Variants in WDR11 observed in about 807,000 individuals in gnomAD.
WDR11 encodes the protein WD repeat-containing protein 11.
WDR11 carries 83 observed loss-of-function variants against 151.2 expected under a neutral mutation model. That is an observed-to-expected ratio of 0.55 (90% CI 0.46 to 0.66). The LOEUF (loss-of-function observed/expected upper bound fraction) is 0.66. Among genes scored for constraint, WDR11 ranks in the 30% least tolerant of loss-of-function variants. WDR11 has a pLI of 0.00. For missense variants in WDR11, 1,301 were observed against 1,480.9 expected (o/e 0.88, Z 1.99); for synonymous variants, 484 against 533.1 (o/e 0.91, Z 1.27).
rs772038697 is a variant in WDR11 at position 120,906,761 on chromosome 10, T to C, written c.3438-15T>C. 11 of 1,614,164 alleles carry C rather than the reference T, an allele frequency of 6.8e-6. No homozygotes were observed. In the Admixed American group the frequency reaches 1.8e-4, roughly 27 times the overall value. On this transcript the variant is annotated splice_polypyrimidine_tract_variant and intron_variant, in intron 27 of 28. Coordinates refer to ENST00000263461, the MANE Select transcript of WDR11 (RefSeq NM_018117.12). ...AAATCACAAAGCATAACTCTTGTTT[T>C]GTTCTGTTGAGCAGCATGAGATACT...
Position 120,886,829 on chromosome 10 carries a change from C to T in WDR11, c.2114C>T (p.Pro705Leu), listed in dbSNP as rs1329312731. The T allele has an allele frequency of 6.2e-7, 1 of 1,613,982 alleles. No homozygotes were observed. Among genetic ancestry groups the T allele is most frequent in the Admixed American group, 1.7e-5 (1 of 60,000 alleles). The stretch of plus-strand genomic sequence containing the variant: ...TCAGTAAAAGACAGTGCTCGGATTC[C>T]ACCAGATGTGAGTACAACCTTGATT... ...GNSVKDSARI[P>L]PDGSMGSITC... is the part of the protein sequence containing the mutation. The change falls in exon 16 of 29, where the codon CCA (proline) becomes CTA (leucine). Residue 705 changes from proline to leucine, a missense_variant. Coordinates refer to ENST00000263461, the MANE Select transcript of WDR11 (RefSeq NM_018117.12).
chr10:120,900,120 T>C lies in WDR11; in HGVS notation c.2607T>C (p.Ser869=). The C allele has an allele frequency of 3.1e-6, 5 of 1,613,170 alleles. No individual in the cohort carries two copies. The highest frequency in any genetic ancestry group is 4.2e-6 in the Non-Finnish European group (5 of 1,179,084). Residue 869 remains serine, a synonymous_variant, in exon 20 of 29, where the codon TCT becomes TCC. Coordinates refer to ENST00000263461, the MANE Select transcript of WDR11 (RefSeq NM_018117.12). ...ACCAGCCTTGGAATGGACAGTATTC[T>C]TTGGACATTTCTCATGTGTAAGTTT... ...LLHQPWNGQY[S]LDISHVDYPE...
At position 120,905,324 on chromosome 10, in the gene WDR11, G is replaced by A. The variant is rs976338179; in HGVS notation, c.3199G>A (p.Val1067Ile). The A allele has an allele frequency of 1.2e-5, 20 of 1,613,916 alleles. No individual in the cohort carries two copies. Among genetic ancestry groups the A allele is most frequent in the East Asian group, 6.7e-5 (3 of 44,886 alleles). The change falls in exon 26 of 29, where the codon GTT (valine) becomes ATT (isoleucine). Residue 1067 changes from valine (V) to isoleucine (I), a missense_variant. Around this residue, in one of 3 missense-constraint regions of WDR11, gnomAD observed 589 missense variants for 670.6 expected, o/e 0.88. Coordinates refer to ENST00000263461, the MANE Select transcript of WDR11 (RefSeq NM_018117.12). ...MIANGKLAEG[V>I]QLLCLIDKAA... ...GATGCGCTTTTGTCTTTCAGAGGGC[G>A]TTCAGTTGCTCTGCCTGATAGATAA...
chr10:120,856,568 C>CT (rs923981874), intron 2 of WDR11, among the ~76,000 whole-genome samples: 2 of 105,794 alleles, frequency 1.9e-5, no homozygotes, highest in African/African-American at 3.6e-5. Context: ...GAATAAGACT[C>CT]TGTCTCCAAA....
intron 19 of WDR11, among the ~76,000 whole-genome samples, chr10:120,898,784 C>G (rs1457406160): frequency 8.4e-6 from 1 of 119,344 alleles, no homozygotes; most frequent in African/African-American, 3.8e-5. Context: ...AGTTTGCCTC[C>G]CCAGCCATAC....
At position 120,880,890 on chromosome 10, in the gene WDR11, A is replaced by G. The variant is rs1846980372; in HGVS notation, c.1728A>G (p.Val576=). 6.3e-7 allele frequency: 1 copy of G among 1,598,124 alleles called. No homozygotes were observed. Among genetic ancestry groups the G allele is most frequent in the Non-Finnish European group, 8.5e-7 (1 of 1,169,696 alleles). Residue 576 remains valine (V), a synonymous_variant, in exon 13 of 29, where the codon GTA becomes GTG. Transcript: ENST00000263461. ...NDESAIEMIK[V]SHLKQYLAVV... Reference sequence around the variant, plus strand: ...AATCTGCCATCGAAATGATTAAAGTATCTCATTTGAAGTAAGTGTCAACCT... The same window carrying G: ...AATCTGCCATCGAAATGATTAAAGTGTCTCATTTGAAGTAAGTGTCAACCT...
At chr10:120,865,933 A>C (rs1173572553) in intron 7 of WDR11, among the ~76,000 whole-genome samples, 189 bp downstream of exon 7, 1 of 151,978 alleles carries the variant, frequency 6.6e-6, no homozygotes, top group African/African-American at 2.4e-5. Context: ...AAAACAGTGC[A>C]CCTCCTGTAT....
chr10:120,903,848 T>C (rs1202098694), intron 23 of WDR11, among the ~76,000 whole-genome samples, 199 bp from the exon 24 acceptor site: 5 of 152,238 alleles, frequency 3.3e-5, no homozygotes, highest in Admixed American at 3.3e-4. Context: ...CAGGCAGGTA[T>C]GCATCCAAGT....
intron 19 of WDR11, among the ~76,000 whole-genome samples, chr10:120,897,202 G>A (rs895326751): frequency 6.6e-6 from 1 of 152,172 alleles, no homozygotes; most frequent in Non-Finnish European, 1.5e-5. Context: ...TCACAGTAAG[G>A]AAACGGGAAG....
At chr10:120,880,730 A>G in intron 12 of WDR11, 96 bp from the exon 13 acceptor site, 2 of 1,027,512 alleles carry the variant, frequency 1.9e-6, no homozygotes, top group Non-Finnish European at 3.0e-6. Context: ...AGAGGGTAGG[A>G]TGGGTAGGAC....
chr10:120,904,941 C>A (rs1847976684), intron 25 of WDR11, 130 bp downstream of exon 25: 1 of 1,067,432 alleles, frequency 9.4e-7, no homozygotes, highest in African/African-American at 1.6e-5. Context: ...ATTATTGCTA[C>A]CTATAAATCA....
In WDR11 at chr10:120,851,475, C is replaced by T; in HGVS notation, c.55C>T (p.Leu19Phe). The T allele has an allele frequency of 6.2e-7, 1 of 1,612,214 alleles. No homozygotes were observed. Among genetic ancestry groups the T allele is most frequent in the Admixed American group, 1.7e-5 (1 of 59,922 alleles). ...GTCGGCGCGCACCCTCACGGGGGCC[C>T]TCAACGCCCACAACAAGGCGGCGGT... ...KVSARTLTGALNAHNKAAVDW... is the reference protein window; with the variant it reads ...KVSARTLTGAFNAHNKAAVDW... The change falls in exon 1 of 29, where the codon CTC becomes TTC. Residue 19 changes from leucine to phenylalanine, a missense_variant. This residue lies in a region of WDR11 where 692 missense variants were observed against 762.5 expected (regional missense o/e 0.91). Transcript: ENST00000263461.
chr10:120,858,279 A>G (rs1846021085), intron 2 of WDR11, among the ~76,000 whole-genome samples: 1 of 152,176 alleles, frequency 6.6e-6, no homozygotes, highest in South Asian at 2.1e-4. Flanking sequence ...AGACTAGAAT[A>G]CAGAAAAACA....
intron 20 of WDR11, 23 bp from the exon 21 acceptor site, chr10:120,901,013 C>T (rs757112039): frequency 2.0e-6 from 3 of 1,531,402 alleles, no homozygotes; most frequent in Non-Finnish European, 2.7e-6. Flanking sequence ...ATAATGAACT[C>T]ATTCAAAATT....
chr10:120,908,385 C>T (rs1399593745), intron 28 of WDR11, 171 bp from the exon 29 acceptor site: 1 of 682,944 alleles, frequency 1.5e-6, no homozygotes, highest in Non-Finnish European at 2.6e-6. Flanking sequence ...CGGGAATCAC[C>T]CTCTGCCCGC....
At chr10:120,879,062 G>A (rs934175738) in intron 12 of WDR11, 8 of 152,182 alleles carry the variant, frequency 5.3e-5, no homozygotes, top group African/African-American at 1.9e-4. Context: ...ATTTTCTGGT[G>A]TATGCAGTAG....
rs1468942903 is a variant in WDR11, at chr10:120,901,229, GT to G, written c.2687+134del. ...TAGTGGCCCAAGAAGAGACCATTCT[GT>G]TTAGAGGTTTGCTTCCCGTTAGAGT... On this transcript the variant is annotated intron_variant, in intron 21 of 28. Coordinates refer to ENST00000263461, the MANE Select transcript of WDR11 (RefSeq NM_018117.12). 21 of 798,202 alleles carry G rather than the reference GT, an allele frequency of 2.6e-5. No individual in the cohort carries two copies. The African/African-American group carries it at 3.6e-4, about 14-fold the overall frequency. 49.4% of individuals were successfully genotyped at this position (798,202 alleles called of 1,614,324 possible).
At chr10:120,862,630 A>C in intron 4 of WDR11, 105 bp from the exon 5 acceptor site, 1 of 1,158,460 alleles carries the variant, frequency 8.6e-7, no homozygotes, top group Non-Finnish European at 1.3e-6. Flanking sequence ...TGCCAGTTAT[A>C]TATTATTAAA....
chr10:120,892,520 G>A (rs1056086648), intron 19 of WDR11, among the ~76,000 whole-genome samples: 2 of 152,166 alleles, frequency 1.3e-5, no homozygotes, highest in Admixed American at 1.3e-4. Flanking sequence ...ATTCATGGCC[G>A]ATTTGGTCTT....
Sources: gnomAD v4.1 joint callset for allele counts (sites outside exome capture counted in the v4.1 genomes callset) on GRCh38, gnomAD v4.1.1 for gene constraint, gnomAD v4.1.1 regional missense constraint, MANE v1.5 for transcripts, NCBI Gene and HGNC (gene_info 2026-07-23, HGNC 2026-07-21) for gene names.